The following NR2F1-AS1 variants were observed in gnomAD, a reference collection of about 807,000 sequenced individuals.
The protein encoded by NR2F1-AS1 is NR2F1 regulatory antisense RNA 1.
intron 4 of NR2F1-AS1, among the ~76,000 whole-genome samples, chr5:93,505,024 T>C (rs1751157235): frequency 6.6e-6 from 1 of 152,192 alleles, no homozygotes; most frequent in Non-Finnish European, 1.5e-5. Flanking sequence ...CTTCCGCCTA[T>C]AAGCCTGTAA....
chr5:93,582,025 A>C (rs1362048692), upstream of NR2F1-AS1, among the ~76,000 whole-genome samples: 33 of 72,928 alleles, frequency 4.5e-4, no homozygotes, highest in African/African-American at 6.4e-4. Flanking sequence ...CTCTCTCAAT[A>C]TCTCGCGCGC....
intron 4 of NR2F1-AS1, among the ~76,000 whole-genome samples, chr5:93,441,155 A>G (rs1233558437): frequency 6.6e-6 from 1 of 152,202 alleles, no homozygotes; most frequent in African/African-American, 2.4e-5. Context: ...CTCTACATAA[A>G]TCAAGTTTGT....
intron 4 of NR2F1-AS1, among the ~76,000 whole-genome samples, chr5:93,425,955 G>A (rs1749186200): frequency 6.6e-6 from 1 of 151,786 alleles, no homozygotes; most frequent in Non-Finnish European, 1.5e-5. Flanking sequence ...AAGTCTCCCT[G>A]GGATATGCCT....
At chr5:93,538,889 T>C (rs932969641) in intron 4 of NR2F1-AS1, among the ~76,000 whole-genome samples, 1 of 152,210 alleles carries the variant, frequency 6.6e-6, no homozygotes, top group African/African-American at 2.4e-5. Flanking sequence ...TTGGTTTCGT[T>C]ATACATCACT....
chr5:93,582,954 G>C (rs575472338), upstream of NR2F1-AS1, among the ~76,000 whole-genome samples: 1 of 152,056 alleles, frequency 6.6e-6, no homozygotes, highest in African/African-American at 2.4e-5. Context: ...TAAGCGGGGG[G>C]GGGAGAAAGA....
chr5:93,445,952 C>T (rs1191385021), intron 4 of NR2F1-AS1, among the ~76,000 whole-genome samples: 1 of 152,170 alleles, frequency 6.6e-6, no homozygotes, highest in Non-Finnish European at 1.5e-5. Flanking sequence ...ATAAAAACCA[C>T]ATGATTATCT....
intron 4 of NR2F1-AS1, among the ~76,000 whole-genome samples, chr5:93,426,394 C>T (rs1749196215): frequency 6.6e-6 from 1 of 152,134 alleles, no homozygotes; most frequent in Non-Finnish European, 1.5e-5. Context: ...TGCTCCTTGC[C>T]AAAAGCATTT....
intron 4 of NR2F1-AS1, among the ~76,000 whole-genome samples, chr5:93,519,129 T>A (rs1355073661): frequency 6.6e-6 from 1 of 152,090 alleles, no homozygotes; most frequent in African/African-American, 2.4e-5. Flanking sequence ...AGTTATCTTT[T>A]TACTTTGGTT....
chr5:93,504,280 G>C (rs1288882185), intron 4 of NR2F1-AS1, among the ~76,000 whole-genome samples: 1 of 152,036 alleles, frequency 6.6e-6, no homozygotes, highest in Non-Finnish European at 1.5e-5. Context: ...AAGACTTTTG[G>C]AATATTCTGT....
intron 4 of NR2F1-AS1, among the ~76,000 whole-genome samples, chr5:93,429,845 A>T (rs1211860588): frequency 1.3e-5 from 2 of 152,226 alleles, no homozygotes; most frequent in South Asian, 4.1e-4. Flanking sequence ...ACAGAATGTC[A>T]GGTTTCTGTG....
intron 4 of NR2F1-AS1, among the ~76,000 whole-genome samples, chr5:93,441,516 C>T (rs1460807097): frequency 6.6e-6 from 1 of 152,154 alleles, no homozygotes; most frequent in South Asian, 2.1e-4. Context: ...AGTCGGTTGC[C>T]CCCAGTTTAA....
chr5:93,530,044 G>C (rs1751701347), intron 4 of NR2F1-AS1, among the ~76,000 whole-genome samples: 1 of 148,798 alleles, frequency 6.7e-6, no homozygotes, highest in Admixed American at 6.7e-5. Context: ...ATTTAGATTA[G>C]AGGGCCTGCC....
chr5:93,431,304 TGAG>T (rs1423292343), intron 4 of NR2F1-AS1, among the ~76,000 whole-genome samples: 1 of 150,726 alleles, frequency 6.6e-6, no homozygotes, highest in Non-Finnish European at 1.5e-5. Flanking sequence ...GGGGAGATGA[TGAG>T]GTGTTGTGGG....
chr5:93,523,319 G>A (rs1320482909), intron 4 of NR2F1-AS1, among the ~76,000 whole-genome samples: 1 of 152,198 alleles, frequency 6.6e-6, no homozygotes, highest in Non-Finnish European at 1.5e-5. Flanking sequence ...TCTGGGCAGG[G>A]CATCTCTGAA....
chr5:93,552,845 G>T (rs891901595), intron 4 of NR2F1-AS1, among the ~76,000 whole-genome samples: 25 of 152,194 alleles, frequency 1.6e-4, no homozygotes, highest in African/African-American at 4.8e-4. Flanking sequence ...TATACTTCAT[G>T]ATTATATAAG....
intron 4 of NR2F1-AS1, among the ~76,000 whole-genome samples, chr5:93,495,104 A>G (rs1055215412): frequency 3.9e-5 from 6 of 152,224 alleles, no homozygotes; most frequent in African/African-American, 1.4e-4. Context: ...AACTACTTAT[A>G]CAATTTGGTG....
At chr5:93,540,116 G>A (rs1440374196) in intron 4 of NR2F1-AS1, among the ~76,000 whole-genome samples, 2 of 152,110 alleles carry the variant, frequency 1.3e-5, no homozygotes, top group Non-Finnish European at 2.9e-5. Flanking sequence ...TATTCTCAAT[G>A]TTTTAAAATC....
intron 4 of NR2F1-AS1, among the ~76,000 whole-genome samples, chr5:93,505,088 T>C (rs1475042842): frequency 1.3e-5 from 2 of 152,100 alleles, no homozygotes; most frequent in African/African-American, 4.8e-5. Flanking sequence ...AGGTATTGGG[T>C]AAATACAGCT....
intron 1 of NR2F1-AS1, among the ~76,000 whole-genome samples, chr5:93,568,966 T>C (rs1483410605): frequency 6.6e-6 from 1 of 152,208 alleles, no homozygotes; most frequent in Non-Finnish European, 1.5e-5. Context: ...AAACATTTTC[T>C]TTGATTAAAG....
Sources: gnomAD v4.1 joint callset for allele counts (sites outside exome capture counted in the v4.1 genomes callset) on GRCh38, gnomAD v4.1.1 for gene constraint, MANE v1.5 for transcripts, NCBI Gene and HGNC (gene_info 2026-07-23, HGNC 2026-07-21) for gene names.